Variants in IMMP2L observed in about 807,000 individuals in gnomAD.
IMMP2L encodes mitochondrial inner membrane protease subunit 2.
A neutral mutation model predicts 19.3 loss-of-function variants in IMMP2L; 18 were observed. The ratio of observed to expected loss-of-function variants is 0.93; its 90% CI spans 0.64 to 1.38. IMMP2L has a LOEUF of 1.38. Ranked by LOEUF, IMMP2L falls within the 40% of genes most tolerant of loss-of-function variation. The pLI is 0.00. For missense variants in IMMP2L, 233 were observed against 218.2 expected (o/e 1.07, Z -0.43); for synonymous variants, 76 against 73.0 (o/e 1.04, Z -0.21).
chr7:111,129,607 G>C (rs562675919), intron 3 of IMMP2L, among the ~76,000 whole-genome samples: 1 of 151,970 alleles, frequency 6.6e-6, no homozygotes, highest in African/African-American at 2.4e-5. Flanking sequence ...CGTTGCTTGG[G>C]AGAACTACAG....
chr7:111,195,822 TATTTTATTTCATTTC>T (rs1809421977), intron 3 of IMMP2L, among the ~76,000 whole-genome samples: 1 of 147,102 alleles, frequency 6.8e-6, no homozygotes, highest in African/African-American at 2.7e-5. Flanking sequence ...TTGTTTATTT[TATTTTATTTCATTTC>T]ATTTCATTTC....
chr7:111,189,175 G>A (rs1421085751), intron 3 of IMMP2L, among the ~76,000 whole-genome samples: 1 of 152,006 alleles, frequency 6.6e-6, no homozygotes, highest in Admixed American at 6.6e-5. Context: ...TCTAACCAGG[G>A]CCCTACAGAA....
At chr7:111,506,197 A>AAATAAT (rs543586226) in intron 2 of IMMP2L, among the ~76,000 whole-genome samples, 1,650 of 149,484 alleles carry the variant, frequency 0.011, 22 homozygotes, top group Middle Eastern at 0.046. Context: ...TGTCTCTTTA[A>AAATAAT]AATAATAATA....
intron 1 of IMMP2L, among the ~76,000 whole-genome samples, chr7:111,551,583 CAA>C (rs772627241): frequency 9.9e-5 from 15 of 151,348 alleles, no homozygotes; most frequent in Non-Finnish European, 1.6e-4. Context: ...AAGCAACTAA[CAA>C]AGAGTCCAAA....
intron 5 of IMMP2L, among the ~76,000 whole-genome samples, chr7:110,686,154 A>G (rs1421069236): frequency 1.3e-5 from 2 of 151,802 alleles, no homozygotes; most frequent in Admixed American, 1.3e-4. Context: ...TTTAGTCTCC[A>G]TCTCCCTCTG....
chr7:110,769,419 G>A (rs1798889177), intron 5 of IMMP2L, among the ~76,000 whole-genome samples: 1 of 152,102 alleles, frequency 6.6e-6, no homozygotes, highest in African/African-American at 2.4e-5. Context: ...TCCTCATTAT[G>A]CTGGGATTGA....
At chr7:111,368,474 G>A (rs935915289) in intron 3 of IMMP2L, among the ~76,000 whole-genome samples, 13 of 151,902 alleles carry the variant, frequency 8.6e-5, no homozygotes, top group Non-Finnish European at 1.8e-4. Context: ...TACCAAAGAC[G>A]TGGTTAGAGT....
At chr7:111,536,934 A>C (rs1234805732) in intron 1 of IMMP2L, among the ~76,000 whole-genome samples, 1 of 152,138 alleles carries the variant, frequency 6.6e-6, no homozygotes, top group African/African-American at 2.4e-5. Context: ...GTTTGTTAAG[A>C]AACAGCTGAC....
chr7:110,862,874 C>T (rs576111402), intron 5 of IMMP2L, among the ~76,000 whole-genome samples: 61 of 151,988 alleles, frequency 4.0e-4, no homozygotes, highest in African/African-American at 1.4e-3. Context: ...AGAAAATAAA[C>T]GTCTCTCCCT....
intron 3 of IMMP2L, among the ~76,000 whole-genome samples, chr7:111,443,616 T>A (rs1837971437): frequency 6.6e-6 from 1 of 152,172 alleles, no homozygotes; most frequent in South Asian, 2.1e-4. Context: ...AACAGAACTC[T>A]CCTCAAAATA....
chr7:111,038,073 T>C (rs1791524862), intron 3 of IMMP2L, among the ~76,000 whole-genome samples: 1 of 152,128 alleles, frequency 6.6e-6, no homozygotes, highest in Non-Finnish European at 1.5e-5. Flanking sequence ...CTAGCAAATG[T>C]TACAATGAAG....
intron 2 of IMMP2L, among the ~76,000 whole-genome samples, chr7:111,497,652 AAAAG>A (rs1371105739): frequency 4.6e-5 from 7 of 152,068 alleles, no homozygotes; most frequent in African/African-American, 1.7e-4. Context: ...AATTGTGCAG[AAAAG>A]AAAGAGAGTA....
chr7:111,402,999 C>CCG (rs1833583717), intron 3 of IMMP2L, among the ~76,000 whole-genome samples: 1 of 102,762 alleles, frequency 9.7e-6, no homozygotes, highest in African/African-American at 4.2e-5. Flanking sequence ...TGACCCCCCC[C>CCG]CCCCACCCCG....
At chr7:111,087,162 T>A (rs1796411407) in intron 3 of IMMP2L, among the ~76,000 whole-genome samples, 1 of 152,104 alleles carries the variant, frequency 6.6e-6, no homozygotes, top group Admixed American at 6.5e-5. Context: ...TAAAAATATC[T>A]ATCTTTGCCG....
intron 4 of IMMP2L, among the ~76,000 whole-genome samples, chr7:110,904,503 G>C (rs1403195713): frequency 6.6e-6 from 1 of 152,200 alleles, no homozygotes; most frequent in Non-Finnish European, 1.5e-5. Flanking sequence ...TTGTTGAAGA[G>C]AATACCTTTC....
chr7:111,506,705 T>C (rs1191587766), intron 2 of IMMP2L, among the ~76,000 whole-genome samples: 1 of 151,908 alleles, frequency 6.6e-6, no homozygotes, highest in East Asian at 2.0e-4. Flanking sequence ...CTTAATTTTT[T>C]TCAAACCAGA....
chr7:111,018,965 G>C (rs935127953), intron 3 of IMMP2L, among the ~76,000 whole-genome samples: 2 of 151,794 alleles, frequency 1.3e-5, no homozygotes, highest in Non-Finnish European at 2.9e-5. Context: ...ACAAATTGTC[G>C]ACTGAGTTAG....
chr7:110,914,596 A>T (rs765852414), intron 4 of IMMP2L, among the ~76,000 whole-genome samples: 7 of 152,100 alleles, frequency 4.6e-5, no homozygotes, highest in Admixed American at 2.6e-4. Context: ...AGCACCAATG[A>T]TTTCATCATT....
At chr7:110,945,096 C>T (rs998696139) in intron 4 of IMMP2L, among the ~76,000 whole-genome samples, 2 of 151,782 alleles carry the variant, frequency 1.3e-5, no homozygotes, top group African/African-American at 2.4e-5. Flanking sequence ...GTATGCAAAA[C>T]GTTACATAGC....
Sources: gnomAD v4.1 joint callset for allele counts (sites outside exome capture counted in the v4.1 genomes callset) on GRCh38, gnomAD v4.1.1 for gene constraint, MANE v1.5 for transcripts, NCBI Gene and HGNC (gene_info 2026-07-23, HGNC 2026-07-21) for gene names.